The following SIL1 variants were observed in gnomAD, a reference collection of about 807,000 sequenced individuals.
SIL1 encodes the protein nucleotide exchange factor SIL1.
A neutral mutation model predicts 49.1 loss-of-function variants in SIL1; 40 were observed. That is an observed-to-expected ratio of 0.81 (90% CI 0.63 to 1.06). The LOEUF is 1.06. Among genes scored for constraint, SIL1 ranks in the 50% least tolerant of loss-of-function variants. The pLI, the probability that SIL1 is intolerant of heterozygous loss-of-function variation, is 0.00. For missense variants in SIL1, 500 were observed against 572.6 expected, an observed-to-expected ratio of 0.87 and a Z score of 1.29; for synonymous variants, 253 against 250.8, an observed-to-expected ratio of 1.01 and a Z score of -0.08.
chr5:139,143,362 T>C (rs1751130814), intron 1 of SIL1, among the ~76,000 whole-genome samples: 2 of 147,822 alleles, frequency 1.4e-5, no homozygotes, highest in Admixed American at 6.7e-5. Flanking sequence ...TATATATATA[T>C]ATATGGTTTT....
At chr5:139,101,569 C>T (rs1187106777) in intron 3 of SIL1, among the ~76,000 whole-genome samples, 1 of 152,192 alleles carries the variant, frequency 6.6e-6, no homozygotes, top group African/African-American at 2.4e-5. Flanking sequence ...TTCTCTTCCC[C>T]CCAAAATAGC....
chr5:139,052,774 C>G (rs1769319056), intron 3 of SIL1, among the ~76,000 whole-genome samples: 1 of 152,030 alleles, frequency 6.6e-6, no homozygotes, highest in African/African-American at 2.4e-5. Context: ...AAAGCGAGTC[C>G]CAGACTAGGA....
At chr5:138,951,407 G>A in intron 8 of SIL1, 72 bp from the exon 9 acceptor site, 1 of 1,493,794 alleles carries the variant, frequency 6.7e-7, no homozygotes, top group South Asian at 1.2e-5. Context: ...AGGGAAGGCA[G>A]GCAGAGGTGC....
intron 1 of SIL1, among the ~76,000 whole-genome samples, chr5:139,136,700 C>T (rs1750980841): frequency 6.6e-6 from 1 of 152,054 alleles, no homozygotes; most frequent in Non-Finnish European, 1.5e-5. Flanking sequence ...CATAGAGGCA[C>T]AAGGGTAGGC....
intron 7 of SIL1, among the ~76,000 whole-genome samples, chr5:138,983,517 A>G (rs551378295): frequency 6.6e-6 from 1 of 152,018 alleles, no homozygotes; most frequent in East Asian, 1.9e-4. Context: ...CGAAAAAAAA[A>G]AAAGAAAAAA....
At chr5:139,063,728 A>G (rs1769643721) in intron 3 of SIL1, among the ~76,000 whole-genome samples, 1 of 152,202 alleles carries the variant, frequency 6.6e-6, no homozygotes, top group Admixed American at 6.5e-5. Context: ...CATTTTCTGG[A>G]GAAGACTCTT....
chr5:138,999,980 G>A (rs1767953580), intron 7 of SIL1, among the ~76,000 whole-genome samples: 1 of 152,152 alleles, frequency 6.6e-6, no homozygotes, highest in African/African-American at 2.4e-5. Flanking sequence ...TAATTGCTCT[G>A]GCCAGAACTT....
intron 1 of SIL1, among the ~76,000 whole-genome samples, chr5:139,165,416 T>C (rs1751598180): frequency 6.6e-6 from 1 of 151,902 alleles, no homozygotes; most frequent in Non-Finnish European, 1.5e-5. Flanking sequence ...ATGTGTGATC[T>C]CGGCTCACTG....
At chr5:138,980,293 G>A (rs563351685) in intron 7 of SIL1, among the ~76,000 whole-genome samples, 1 of 152,358 alleles carries the variant, frequency 6.6e-6, no homozygotes, top group African/African-American at 2.4e-5. Flanking sequence ...CTTCATCAAA[G>A]CACCTCAGGG....
chr5:138,982,714 G>C (rs1296886642), intron 7 of SIL1, among the ~76,000 whole-genome samples: 1 of 152,218 alleles, frequency 6.6e-6, no homozygotes, highest in Non-Finnish European at 1.5e-5. Flanking sequence ...TCCCTGGATG[G>C]CATCTCCCTA....
chr5:139,055,535 T>C (rs900271179), intron 3 of SIL1, among the ~76,000 whole-genome samples: 15 of 151,990 alleles, frequency 9.9e-5, no homozygotes, highest in Non-Finnish European at 2.1e-4. Flanking sequence ...ATGTTTGAAA[T>C]GTGCTTGCAT....
At chr5:139,188,308 C>G (rs144272474) in intron 1 of SIL1, among the ~76,000 whole-genome samples, 3 of 152,162 alleles carry the variant, frequency 2.0e-5, no homozygotes, top group Non-Finnish European at 4.4e-5. Flanking sequence ...AGCAACAAAA[C>G]TAGGTAAAAA....
At chr5:139,098,809 CTTTT>C (rs59863544) in intron 3 of SIL1, among the ~76,000 whole-genome samples, 88 of 89,086 alleles carry the variant, frequency 9.9e-4, no homozygotes, top group African/African-American at 3.3e-3. Context: ...TTTTCTTACT[CTTTT>C]TTTTTTTTTT....
chr5:139,173,542 G>T (rs569290373), intron 1 of SIL1, among the ~76,000 whole-genome samples: 2 of 151,440 alleles, frequency 1.3e-5, no homozygotes, highest in Non-Finnish European at 2.9e-5. Context: ...AGAGTGAGAC[G>T]CTGTCTTAAA....
At chr5:139,152,630 A>G (rs533095731) in intron 1 of SIL1, among the ~76,000 whole-genome samples, 2 of 151,750 alleles carry the variant, frequency 1.3e-5, no homozygotes, top group East Asian at 1.9e-4. Flanking sequence ...TGGGAAAAAA[A>G]AAAAGAAAAG....
chr5:138,997,809 T>C (rs905888805), intron 7 of SIL1, among the ~76,000 whole-genome samples: 4 of 152,214 alleles, frequency 2.6e-5, no homozygotes, highest in Admixed American at 6.5e-5. Flanking sequence ...TCCACCTGCC[T>C]TGGCCTCCCA....
intron 4 of SIL1, among the ~76,000 whole-genome samples, chr5:139,049,023 C>T (rs1336138214): frequency 6.6e-6 from 1 of 152,214 alleles, no homozygotes; most frequent in Non-Finnish European, 1.5e-5. Flanking sequence ...TAAATCTGAA[C>T]AGGCTGTTTT....
intron 3 of SIL1, among the ~76,000 whole-genome samples, chr5:139,071,359 G>C (rs992503534): frequency 2.0e-5 from 3 of 152,098 alleles, no homozygotes; most frequent in African/African-American, 7.2e-5. Flanking sequence ...AGCAATTATT[G>C]TAAAAATCAG....
At chr5:139,023,562 T>C (rs992567907) in intron 6 of SIL1, among the ~76,000 whole-genome samples, 2 of 152,214 alleles carry the variant, frequency 1.3e-5, no homozygotes, top group African/African-American at 2.4e-5. Flanking sequence ...ACCATCTGTT[T>C]CCACACACAA....
Sources: allele counts gnomAD v4.1 joint callset (sites outside exome capture counted in the v4.1 genomes callset), GRCh38; gene constraint gnomAD v4.1.1; transcripts MANE v1.5; gene names NCBI Gene and HGNC (gene_info 2026-07-23, HGNC 2026-07-21).